Variants in CLIP2 observed in about 807,000 individuals in gnomAD.
The protein encoded by CLIP2 is CAP-Gly domain-containing linker protein 2.
In CLIP2, 41 loss-of-function variants were observed where a neutral mutation model predicts 111.7. The ratio of observed to expected loss-of-function variants is 0.37; its 90% CI spans 0.29 to 0.48. The LOEUF (loss-of-function observed/expected upper bound fraction) is 0.48. Ranked by LOEUF, CLIP2 falls within the 20% of genes least tolerant of loss-of-function variation. The pLI is 0.99. For missense variants in CLIP2, 1,160 were observed against 1,422.1 expected, an observed-to-expected ratio of 0.82 and a Z score of 2.96; for synonymous variants, 660 against 644.2, an observed-to-expected ratio of 1.02 and a Z score of -0.37.
chr7:74,310,716 C>CTT (rs782004421), intron 1 of CLIP2, among the ~76,000 whole-genome samples: 2 of 143,028 alleles, frequency 1.4e-5, no homozygotes, highest in African/African-American at 5.1e-5. Context: ...TTTTAACTTT[C>CTT]TTTTTTTTTT....
intron 1 of CLIP2, among the ~76,000 whole-genome samples, chr7:74,296,047 T>TTTGG (rs1313527047): frequency 1.3e-5 from 2 of 149,834 alleles, no homozygotes; most frequent in Non-Finnish European, 2.9e-5. Flanking sequence ...AATGAGGTCA[T>TTTGG]TTGGGCCCTC....
At chr7:74,403,231 A>AG (rs1467352441) in intron 16 of CLIP2, among the ~76,000 whole-genome samples, 2 of 149,576 alleles carry the variant, frequency 1.3e-5, no homozygotes, top group Non-Finnish European at 1.5e-5. Flanking sequence ...AAAAAAAAAA[A>AG]AGAGAGAGAG....
At chr7:74,356,659 T>A (rs782790313) in intron 5 of CLIP2, 36 bp downstream of exon 5, 2 of 1,575,996 alleles carry the variant, frequency 1.3e-6, no homozygotes, top group Non-Finnish European at 1.7e-6. Flanking sequence ...TTCTCTGGTG[T>A]GCGTTTGGGA....
At chr7:74,305,642 C>T (rs369476976) in intron 1 of CLIP2, among the ~76,000 whole-genome samples, 37 of 152,216 alleles carry the variant, frequency 2.4e-4, no homozygotes, top group Non-Finnish European at 2.4e-4. Flanking sequence ...TACAGGCATG[C>T]GCCACCACGC....
chr7:74,295,570 T>C (rs1554725966), intron 1 of CLIP2, among the ~76,000 whole-genome samples: 1 of 152,156 alleles, frequency 6.6e-6, no homozygotes, highest in African/African-American at 2.4e-5. Flanking sequence ...TTTACTTTGC[T>C]CATGTTCAGC....
In CLIP2 at chr7:74,368,669, C is replaced by A. The variant is rs1026072520; in HGVS notation, c.1381-4263C>A. Among the ~76,000 whole-genome samples the A allele has an allele frequency of 3.2e-4, 48 of 152,168 alleles. 2 individuals carry two copies. Among genetic ancestry groups the A allele is most frequent in the Non-Finnish European group, 5.9e-5 (4 of 68,018 alleles). On this transcript the variant is annotated intron_variant, in intron 8 of 16. Transcript: ENST00000223398. ...CTAGCACCATGCCATGGATAGCCCT[C>A]TCCTTCGTCTTCTGTTCCTCCAAAG... is the stretch of plus-strand genomic sequence containing the variant.
At chr7:74,319,403 G>A (rs1554729679) in intron 2 of CLIP2, among the ~76,000 whole-genome samples, 2 of 152,062 alleles carry the variant, frequency 1.3e-5, no homozygotes, top group African/African-American at 4.8e-5. Context: ...AGCTACATGG[G>A]AGGCCGAGGC....
chr7:74,317,398 G>T, intron 1 of CLIP2, 82 bp from the exon 2 acceptor site: 2 of 952,888 alleles, frequency 2.1e-6, no homozygotes, highest in Non-Finnish European at 2.8e-6. Context: ...ACCTCAGGAG[G>T]GATGTGTGTT....
chr7:74,405,794 CCCG>C lies in CLIP2; in HGVS notation c.*1949_*1951del, dbSNP rs1397239838. ...GCTTCTGCCTCCGTGGGCCTCTCAGCCCGCCCCGTGTGGCCGCCCGGGTGTGGC... is the reference window on the plus strand; with the variant it reads ...GCTTCTGCCTCCGTGGGCCTCTCAGCCCCCGTGTGGCCGCCCGGGTGTGGC... On this transcript the variant is annotated 3_prime_UTR_variant, in exon 17 of 17. Transcript: ENST00000223398. 2 of 152,658 alleles carry C rather than the reference CCCG, an allele frequency of 1.3e-5. No homozygotes were observed. The highest frequency in any genetic ancestry group is 2.9e-5 in the Non-Finnish European group (2 of 68,064). 9.5% of individuals were successfully genotyped at this position (152,658 alleles called of 1,614,324 possible).
chr7:74,311,255 A>G (rs1788634510), intron 1 of CLIP2, among the ~76,000 whole-genome samples: 1 of 152,216 alleles, frequency 6.6e-6, no homozygotes, highest in Non-Finnish European at 1.5e-5. Flanking sequence ...CCGGGATTAC[A>G]GGCATGAGCC....
Position 74,349,679 on chromosome 7 carries a change from A to G in CLIP2, c.679-4201A>G, listed in dbSNP as rs1349574524. Among the ~76,000 whole-genome samples the G allele has an allele frequency of 3.4e-5, 5 of 148,506 alleles. No individual in the cohort carries two copies. In the East Asian group the frequency reaches 6.1e-4, roughly 18 times the overall value. ...CTCTTGTCACCCAGGCTGGAGTGCA[A>G]TGGCACAATCTCGGCTCACTGCAAC... On this transcript the variant is annotated intron_variant, in intron 3 of 16. Transcript: ENST00000223398.
chr7:74,360,054 G>A (rs1394135392), intron 6 of CLIP2, 121 bp from the exon 7 acceptor site: 3 of 728,492 alleles, frequency 4.1e-6, no homozygotes, highest in Non-Finnish European at 6.7e-6. Flanking sequence ...GGTGCCAGCA[G>A]GGAAGTTGGG....
intron 3 of CLIP2, among the ~76,000 whole-genome samples, chr7:74,339,213 T>C (rs1010384325): frequency 1.3e-5 from 2 of 152,226 alleles, no homozygotes; most frequent in East Asian, 3.8e-4. Context: ...ACTGTTGCTG[T>C]GTGACCTTGG....
chr7:74,336,187 C>T (rs1245268028), intron 2 of CLIP2, among the ~76,000 whole-genome samples: 2 of 152,050 alleles, frequency 1.3e-5, no homozygotes, highest in Admixed American at 1.3e-4. Context: ...CCTGCCTCAG[C>T]CTCCCAAGTA....
intron 5 of CLIP2, 103 bp downstream of exon 5, chr7:74,356,726 C>A: frequency 9.1e-7 from 1 of 1,100,000 alleles, no homozygotes; most frequent in South Asian, 1.4e-5. Context: ...TACTCTAGTT[C>A]CAGTTTGGGA....
chr7:74,354,122 T>C (rs1281056783), intron 4 of CLIP2, 118 bp downstream of exon 4: 1 of 1,270,476 alleles, frequency 7.9e-7, no homozygotes, highest in African/African-American at 1.5e-5. Context: ...TCAGACACCA[T>C]AAGTCCTTTC....
At chr7:74,305,857 C>CT (rs1377444989) in intron 1 of CLIP2, among the ~76,000 whole-genome samples, 1 of 105,894 alleles carries the variant, frequency 9.4e-6, no homozygotes, top group Non-Finnish European at 1.8e-5. Flanking sequence ...GCACCCCAAC[C>CT]CCCCCCCACC....
intron 9 of CLIP2, among the ~76,000 whole-genome samples, chr7:74,374,836 A>G (rs1044216452): frequency 6.6e-6 from 1 of 152,356 alleles, no homozygotes; most frequent in Admixed American, 6.5e-5. Context: ...TATCATTTTC[A>G]TATCTATGAC....
At chr7:74,345,683 C>T (rs181464521) in intron 3 of CLIP2, among the ~76,000 whole-genome samples, 7 of 151,740 alleles carry the variant, frequency 4.6e-5, no homozygotes, top group African/African-American at 1.7e-4. Flanking sequence ...CCCGTCTCTG[C>T]TAAAGGTACA....
Sources: allele counts gnomAD v4.1 joint callset (sites outside exome capture counted in the v4.1 genomes callset), GRCh38; gene constraint gnomAD v4.1.1; transcripts MANE v1.5; gene names NCBI Gene and HGNC (gene_info 2026-07-23, HGNC 2026-07-21).